The following SLC2A9 variants were observed in gnomAD, a reference collection of about 807,000 sequenced individuals.
SLC2A9 encodes solute carrier family 2, facilitated glucose transporter member 9.
In SLC2A9, 39 loss-of-function variants were observed where a neutral mutation model predicts 50.6. The observed-to-expected ratio is 0.77, with a 90% CI of 0.60 to 1.01. The LOEUF is 1.01. Among genes scored for constraint, SLC2A9 ranks in the 50% least tolerant of loss-of-function variants. SLC2A9 has a pLI of 0.00. For synonymous variants in SLC2A9, 324 were observed against 276.9 expected, an observed-to-expected ratio of 1.17 and a Z score of -1.69; for missense variants, 686 against 677.6, an observed-to-expected ratio of 1.01 and a Z score of -0.14.
chr4:9,790,030 A>G lies in SLC2A9; in HGVS notation n.386-9965T>C, dbSNP rs141687807. ...GCAATATTCTTGTGACATAGGCACC[A>G]TTGTCCTCATTTGAAAAAGGAGGAA... On this transcript the variant is annotated intron_variant and non_coding_transcript_variant, in intron 3 of 3. Coordinates refer to the SLC2A9 transcript ENST00000503803. Among the ~76,000 whole-genome samples the G allele has an allele frequency of 2.9e-3, 435 of 152,322 alleles. 5 individuals are homozygous for G. Among genetic ancestry groups the G allele is most frequent in the African/African-American group, 0.01 (416 of 41,590 alleles).
At chr4:9,935,223 G>A (rs1457732687) in intron 6 of SLC2A9, among the ~76,000 whole-genome samples, 2 of 152,188 alleles carry the variant, frequency 1.3e-5, no homozygotes, top group East Asian at 1.9e-4. Context: ...GATCCTTGAG[G>A]AATCACCACA....
intron 10 of SLC2A9, chr4:9,879,359 T>G: frequency 1.0e-6 from 1 of 978,734 alleles, no homozygotes. Flanking sequence ...GAAGCGTGTG[T>G]GTGTGTGTGT....
chr4:9,889,197 T>C (rs1177134227), intron 9 of SLC2A9, among the ~76,000 whole-genome samples: 1 of 99,106 alleles, frequency 1.0e-5, no homozygotes, highest in Non-Finnish European at 2.1e-5. Flanking sequence ...TCCAGGAATG[T>C]CCAAGGCCTC....
chr4:9,785,433 C>G (rs1342850253), intron 3 of SLC2A9, among the ~76,000 whole-genome samples: 1 of 152,188 alleles, frequency 6.6e-6, no homozygotes, highest in Admixed American at 6.5e-5. Context: ...CCTCGTGAAC[C>G]TTGTTTGGTG....
downstream of SLC2A9, among the ~76,000 whole-genome samples, chr4:9,798,171 C>G (rs911192956): frequency 1.3e-5 from 2 of 152,206 alleles, no homozygotes; most frequent in African/African-American, 4.8e-5. Context: ...AGGAAAGTAA[C>G]TGGAGCTCCC....
At chr4:9,960,423 T>C (rs1752078932) in intron 5 of SLC2A9, among the ~76,000 whole-genome samples, 1 of 152,222 alleles carries the variant, frequency 6.6e-6, no homozygotes, top group Non-Finnish European at 1.5e-5. Flanking sequence ...GCCTACTCTA[T>C]GCTGGGCAGT....
intron 6 of SLC2A9, among the ~76,000 whole-genome samples, chr4:9,924,758 A>G (rs1744589701): frequency 6.6e-6 from 1 of 152,026 alleles, no homozygotes; most frequent in Non-Finnish European, 1.5e-5. Context: ...ACCTGACAAC[A>G]ATCACAAAGT....
At chr4:9,778,438 A>C (rs1717869586), downstream of SLC2A9, among the ~76,000 whole-genome samples, 1 of 152,008 alleles carries the variant, frequency 6.6e-6, no homozygotes, top group African/African-American at 2.4e-5. Context: ...GCATTTCTTA[A>C]GTTGTGTGAA....
At chr4:9,789,233 G>C (rs904270224) in intron 3 of SLC2A9, among the ~76,000 whole-genome samples, 1 of 152,048 alleles carries the variant, frequency 6.6e-6, no homozygotes, top group Non-Finnish European at 1.5e-5. Context: ...TACCTTCCTA[G>C]GTTTTAAAAA....
At chr4:9,975,087 C>T (rs185767986) in intron 5 of SLC2A9, among the ~76,000 whole-genome samples, 2 of 152,218 alleles carry the variant, frequency 1.3e-5, no homozygotes, top group Admixed American at 1.3e-4. Context: ...TACATTTTAC[C>T]ATATACAAAA....
At chr4:9,998,657 T>C (rs780678090) in intron 2 of SLC2A9, among the ~76,000 whole-genome samples, 1 of 152,122 alleles carries the variant, frequency 6.6e-6, no homozygotes, top group Non-Finnish European at 1.5e-5. Context: ...AAAACTCCCC[T>C]GAAAAACTGT....
At position 10,019,086 on chromosome 4, in the gene SLC2A9, G is replaced by C. The variant is rs1408697109; in HGVS notation, c.151-13C>G. ...AGCAGGACCAGTCCTGAGGGGAGAGGAAACCACGTCAGAGCCGGCACCGGG... is the reference window on the plus strand; with the variant it reads ...AGCAGGACCAGTCCTGAGGGGAGAGCAAACCACGTCAGAGCCGGCACCGGG... On this transcript the variant is annotated splice_polypyrimidine_tract_variant and intron_variant, in intron 1 of 11. Coordinates refer to ENST00000264784, the MANE Select transcript of SLC2A9 (RefSeq NM_020041.3). 1.3e-6 allele frequency: 2 copies of C among 1,550,498 alleles called. No homozygotes were observed. Among genetic ancestry groups the C allele is most frequent in the Non-Finnish European group, 1.7e-6 (2 of 1,146,278 alleles).
rs570071135 is a variant in SLC2A9 at position 9,992,614 on chromosome 4, T to C, written c.410+4167A>G. ...ATCGGAAGGAGAATTTCCACCAAGC[T>C]GGGCCCATCTTATACCTCCATGGGA... On this transcript the variant is annotated intron_variant, in intron 3 of 11. Coordinates refer to ENST00000264784, the MANE Select transcript of SLC2A9 (RefSeq NM_020041.3). Among the ~76,000 whole-genome samples the C allele has an allele frequency of 4.6e-5, 7 of 152,372 alleles. No homozygotes were observed. In the South Asian group the frequency reaches 1.4e-3, roughly 32 times the overall value.
chr4:9,881,108 C>T (rs1285504411), intron 10 of SLC2A9, among the ~76,000 whole-genome samples: 2 of 152,212 alleles, frequency 1.3e-5, no homozygotes, highest in Non-Finnish European at 2.9e-5. Flanking sequence ...CAGATGAGGC[C>T]TGAATATCAA....
intron 8 of SLC2A9, among the ~76,000 whole-genome samples, chr4:9,892,168 GGGT>G (rs1737592792): frequency 6.6e-6 from 1 of 152,230 alleles, no homozygotes; most frequent in Non-Finnish European, 1.5e-5. Context: ...CGGCACTGAG[GGGT>G]GAGTGACAGC....
At position 9,996,842 on chromosome 4, in the gene SLC2A9, A is replaced by T. The variant is rs1758766726; in HGVS notation, c.349T>A (p.Phe117Ile). 1 of 1,614,250 alleles carries T rather than the reference A, an allele frequency of 6.2e-7. No individual in the cohort carries two copies. Among genetic ancestry groups the T allele is most frequent in the Non-Finnish European group, 8.5e-7 (1 of 1,180,034 alleles). ...TLLWSVTVSI[F>I]AIGGLVGTLI... ...GTCCCCACAAGTCCACCGATGGCGA[A>T]TATGGACACAGTCACAGACCAGAGC... is the stretch of plus-strand genomic sequence containing the variant. Residue 117 changes from phenylalanine (F) to isoleucine (I), a missense_variant, in exon 3 of 12, where the codon TTC becomes ATC. Transcript: ENST00000264784.
At chr4:10,011,731 T>C (rs780789006) in intron 2 of SLC2A9, among the ~76,000 whole-genome samples, 31 of 152,184 alleles carry the variant, frequency 2.0e-4, no homozygotes, top group Admixed American at 2.0e-4. Context: ...TTGGAGCTAG[T>C]CACTGGAAAC....
intron 7 of SLC2A9, among the ~76,000 whole-genome samples, chr4:9,916,885 A>G (rs1240654088): frequency 1.3e-5 from 2 of 152,176 alleles, no homozygotes; most frequent in Non-Finnish European, 2.9e-5. Context: ...TTTCTCCCCC[A>G]GACACTCAGG....
chr4:9,791,334 T>C (rs533427203), intron 3 of SLC2A9, among the ~76,000 whole-genome samples: 12 of 152,348 alleles, frequency 7.9e-5, no homozygotes, highest in African/African-American at 2.6e-4. Flanking sequence ...TGTTACACCA[T>C]TTAATGCTAG....
Sources: gnomAD v4.1 joint callset for allele counts (sites outside exome capture counted in the v4.1 genomes callset) on GRCh38, gnomAD v4.1.1 for gene constraint, MANE v1.5 for transcripts, NCBI Gene and HGNC (gene_info 2026-07-23, HGNC 2026-07-21) for gene names.